Variants in RBFOX1 observed in about 807,000 individuals in gnomAD.
RBFOX1 encodes the protein RNA binding fox-1 homolog 1.
Under a neutral mutation model 57.7 loss-of-function variants are expected in RBFOX1, and 8 were observed. The ratio of observed to expected loss-of-function variants is 0.14; its 90% confidence interval spans 0.08 to 0.25. The LOEUF (loss-of-function observed/expected upper bound fraction) is 0.25. RBFOX1 is among the 10% of genes least tolerant of loss of function. The pLI, the probability that RBFOX1 is intolerant of heterozygous loss-of-function variation, is 1.00. For synonymous variants in RBFOX1, 326 were observed against 222.4 expected, an observed-to-expected ratio of 1.47 and a Z score of -4.15; for missense variants, 611 against 548.5, an observed-to-expected ratio of 1.11 and a Z score of -1.14.
intron 3 of RBFOX1, among the ~76,000 whole-genome samples, chr16:6,816,613 A>T (rs149010972): frequency 0.024 from 3,613 of 151,288 alleles, 152 homozygotes; most frequent in African/African-American, 0.081. Flanking sequence ...GGTGGCGGGC[A>T]CCTGTAGTCC....
chr16:6,620,679 C>T (rs759238304), intron 2 of RBFOX1, among the ~76,000 whole-genome samples: 1 of 152,122 alleles, frequency 6.6e-6, no homozygotes, highest in Non-Finnish European at 1.5e-5. Context: ...AATATTACCC[C>T]TGGGCCCACA....
At chr16:6,426,131 T>G (rs1401564660) in intron 2 of RBFOX1, among the ~76,000 whole-genome samples, 1 of 151,804 alleles carries the variant, frequency 6.6e-6, no homozygotes, top group Non-Finnish European at 1.5e-5. Flanking sequence ...TCTCTTATTC[T>G]CTCTCTCTCT....
At chr16:6,444,781 G>A (rs946497172) in intron 2 of RBFOX1, among the ~76,000 whole-genome samples, 4 of 152,130 alleles carry the variant, frequency 2.6e-5, no homozygotes, top group African/African-American at 9.7e-5. Context: ...AGGCAGGGGA[G>A]GAACCAAAAC....
At chr16:7,359,784 A>C (rs1031589073) in intron 4 of RBFOX1, among the ~76,000 whole-genome samples, 1 of 152,148 alleles carries the variant, frequency 6.6e-6, no homozygotes, top group African/African-American at 2.4e-5. Flanking sequence ...GGAGATCGAG[A>C]CCATCCTGGC....
chr16:6,182,805 T>C (rs996644509), intron 1 of RBFOX1, among the ~76,000 whole-genome samples: 1 of 152,236 alleles, frequency 6.6e-6, no homozygotes, highest in African/African-American at 2.4e-5. Context: ...TATAGTATAG[T>C]ACTATTTTTA....
intron 4 of RBFOX1, among the ~76,000 whole-genome samples, chr16:5,924,914 A>C (rs1597813512): frequency 6.6e-6 from 1 of 152,148 alleles, no homozygotes; most frequent in African/African-American, 2.4e-5. Context: ...CTCAGTAAAG[A>C]CTAGAGCTTT....
intron 4 of RBFOX1, among the ~76,000 whole-genome samples, chr16:7,105,553 C>T (rs777298687): frequency 3.3e-5 from 5 of 151,970 alleles, no homozygotes; most frequent in Non-Finnish European, 5.9e-5. Flanking sequence ...AGCTTAGCTC[C>T]CACTTACGAG....
At chr16:7,519,893 T>G (rs2152226197) in intron 5 of RBFOX1, 1 of 287,350 alleles carries the variant, frequency 3.5e-6, no homozygotes, top group South Asian at 1.4e-4. Context: ...TGTTTTTGTT[T>G]TTGTTTTTTT....
At chr16:6,623,758 T>C (rs930997476) in intron 2 of RBFOX1, among the ~76,000 whole-genome samples, 1 of 152,186 alleles carries the variant, frequency 6.6e-6, no homozygotes, top group Non-Finnish European at 1.5e-5. Context: ...TCCATGTCCC[T>C]ACAAAGGATA....
At chr16:5,736,965 C>A (rs1439264069) in intron 3 of RBFOX1, among the ~76,000 whole-genome samples, 1 of 150,622 alleles carries the variant, frequency 6.6e-6, no homozygotes, top group Non-Finnish European at 1.5e-5. Context: ...GGCCCCCTCT[C>A]ACTTTATTCC....
At chr16:7,608,943 AGTGT>A (rs531875150) in intron 10 of RBFOX1, among the ~76,000 whole-genome samples, 1 of 152,246 alleles carries the variant, frequency 6.6e-6, no homozygotes, top group South Asian at 2.1e-4. Context: ...TTCAGTTCTC[AGTGT>A]GTTCATTTAG....
chr16:6,628,978 C>A (rs910760793), intron 2 of RBFOX1, among the ~76,000 whole-genome samples: 1 of 152,030 alleles, frequency 6.6e-6, no homozygotes, highest in Non-Finnish European at 1.5e-5. Flanking sequence ...TACAGTGAGC[C>A]GAGATTGCAC....
At chr16:6,193,378 AT>A (rs1567650770) in intron 1 of RBFOX1, among the ~76,000 whole-genome samples, 5 of 56,784 alleles carry the variant, frequency 8.8e-5, no homozygotes, top group African/African-American at 1.8e-4. Flanking sequence ...ATATATATAC[AT>A]TATATATATA....
intron 2 of RBFOX1, among the ~76,000 whole-genome samples, chr16:6,550,448 C>T (rs531097085): frequency 6.6e-6 from 1 of 152,290 alleles, no homozygotes; most frequent in South Asian, 2.1e-4. Context: ...ACCTAGGCCT[C>T]CCAAAGTGCT....
intron 3 of RBFOX1, among the ~76,000 whole-genome samples, chr16:6,804,868 TA>T (rs748647682): frequency 2.0e-5 from 3 of 152,128 alleles, no homozygotes; most frequent in Non-Finnish European, 4.4e-5. Flanking sequence ...ATTTCATTCT[TA>T]AAAAGGCCAT....
chr16:6,151,018 A>AT (rs2096793845), intron 1 of RBFOX1, among the ~76,000 whole-genome samples: 1 of 152,140 alleles, frequency 6.6e-6, no homozygotes, highest in Non-Finnish European at 1.5e-5. Flanking sequence ...TTCCTTACAG[A>AT]TTCAGAAAGG....
At chr16:6,731,894 C>G (rs2192348) in intron 3 of RBFOX1, among the ~76,000 whole-genome samples, 139,128 of 152,212 alleles carry the variant, frequency 0.91, 64,940 homozygotes, top group East Asian at 1. Flanking sequence ...GTATCTGGGT[C>G]TTCCTATGTT....
At chr16:7,254,911 T>A (rs1446709230) in intron 4 of RBFOX1, among the ~76,000 whole-genome samples, 1 of 152,134 alleles carries the variant, frequency 6.6e-6, no homozygotes, top group Non-Finnish European at 1.5e-5. Flanking sequence ...GTACCATCAT[T>A]TCTCTAGACA....
intron 5 of RBFOX1, among the ~76,000 whole-genome samples, chr16:7,575,289 C>G (rs1235992252): frequency 2.6e-5 from 4 of 152,032 alleles, no homozygotes; most frequent in African/African-American, 9.7e-5. Context: ...TGCGCGCTAC[C>G]CCACCTGGCT....
Sources: gnomAD v4.1 joint callset for allele counts (sites outside exome capture counted in the v4.1 genomes callset) on GRCh38, gnomAD v4.1.1 for gene constraint, MANE v1.5 for transcripts, NCBI Gene and HGNC (gene_info 2026-07-23, HGNC 2026-07-21) for gene names.